The following ANK2 variants were observed in gnomAD, a reference collection of about 807,000 sequenced individuals.
ANK2 encodes the protein ankyrin-2.
A neutral mutation model predicts 360.5 loss-of-function variants in ANK2; 83 were observed. The observed-to-expected ratio is 0.23, with a 90% CI of 0.19 to 0.28. The LOEUF is 0.28. Among genes scored for constraint, ANK2 ranks in the 10% least tolerant of loss-of-function variants. ANK2 has a pLI of 1.00. For synonymous variants in ANK2, 1,740 were observed against 1,759.5 expected, an observed-to-expected ratio of 0.99 and a Z score of 0.28; for missense variants, 4,201 against 4,795.7, an observed-to-expected ratio of 0.88 and a Z score of 3.66.
At chr4:113,117,024 C>G in intron 1 of ANK2, 2 of 323,244 alleles carry the variant, frequency 6.2e-6, no homozygotes, top group Non-Finnish European at 1.2e-5. Flanking sequence ...TGGGTGCACA[C>G]CTATGCCTGT....
intron 2 of ANK2, among the ~76,000 whole-genome samples, chr4:113,189,054 C>T (rs781531983): frequency 2.6e-5 from 4 of 152,080 alleles, no homozygotes; most frequent in Non-Finnish European, 5.9e-5. Context: ...TTGACCATTT[C>T]TCATGAAAAA....
At chr4:113,000,577 T>G (rs1164748812) in intron 2 of ANK2, among the ~76,000 whole-genome samples, 5 of 151,964 alleles carry the variant, frequency 3.3e-5, no homozygotes, top group Non-Finnish European at 7.3e-5. Context: ...AGGAAGATAA[T>G]CCGGTAAGTG....
upstream of ANK2, among the ~76,000 whole-genome samples, chr4:113,048,595 T>G (rs1240047356): frequency 6.6e-6 from 1 of 151,784 alleles, no homozygotes; most frequent in Non-Finnish European, 1.5e-5. Flanking sequence ...TTTTTAAATA[T>G]ACAAGTATGG....
At chr4:112,917,195 T>C (rs1440561662) in intron 2 of ANK2, among the ~76,000 whole-genome samples, 1 of 152,242 alleles carries the variant, frequency 6.6e-6, no homozygotes, top group Non-Finnish European at 1.5e-5. Context: ...AACTTTCTGC[T>C]AAAGTGACAA....
At chr4:113,078,426 T>A (rs763256241) in intron 1 of ANK2, among the ~76,000 whole-genome samples, 10 of 152,160 alleles carry the variant, frequency 6.6e-5, no homozygotes, top group Non-Finnish European at 1.3e-4. Flanking sequence ...TGCTCGTCAA[T>A]AGTAGCCGTG....
chr4:113,096,825 G>T (rs1223987713), intron 1 of ANK2, among the ~76,000 whole-genome samples: 1 of 151,906 alleles, frequency 6.6e-6, no homozygotes. Context: ...AGTCGATTTT[G>T]CCACAATACT....
chr4:113,035,615 A>G (rs1035978257), intron 2 of ANK2, among the ~76,000 whole-genome samples: 1 of 151,874 alleles, frequency 6.6e-6, no homozygotes, highest in African/African-American at 2.4e-5. Context: ...ATAGTTGGAG[A>G]TGTTTCACCT....
chr4:113,166,008 A>G (rs1023023961), intron 1 of ANK2, among the ~76,000 whole-genome samples: 5 of 152,166 alleles, frequency 3.3e-5, no homozygotes, highest in African/African-American at 1.2e-4. Flanking sequence ...TCCTATTCAA[A>G]TTCAGAAAAT....
chr4:112,768,813 T>A, the ANK2 span, among the ~76,000 whole-genome samples: 1 of 152,202 alleles, frequency 6.6e-6, no homozygotes. Context: ...TATACCCAGC[T>A]GTCTTGTAAT....
At chr4:113,021,541 C>CACACACACCCACATAT (rs1489947974) in intron 2 of ANK2, among the ~76,000 whole-genome samples, 2 of 95,572 alleles carry the variant, frequency 2.1e-5, no homozygotes, top group Non-Finnish European at 4.5e-5. Flanking sequence ...CACACACAAA[C>CACACACACCCACATAT]ATATATATAT....
At chr4:112,782,586 G>T in the ANK2 span, among the ~76,000 whole-genome samples, 2 of 151,938 alleles carry the variant, frequency 1.3e-5, no homozygotes, top group African/African-American at 4.8e-5. Flanking sequence ...CAGATTAAAG[G>T]CTGGGCTCGG....
intron 1 of ANK2, among the ~76,000 whole-genome samples, chr4:113,089,245 A>T (rs1485334213): frequency 6.6e-6 from 1 of 152,214 alleles, no homozygotes; most frequent in African/African-American, 2.4e-5. Context: ...ACCATATGCC[A>T]TCAGTCACTA....
intron 30 of ANK2, 27 bp from the exon 31 acceptor site, chr4:113,336,550 A>G (rs59906453): frequency 3.8e-6 from 6 of 1,567,408 alleles, no homozygotes; most frequent in Non-Finnish European, 5.3e-6. Flanking sequence ...ACACAAATAT[A>G]TATGTGTGTG....
Position 113,341,768 on chromosome 4 carries a change from C to T in ANK2, c.3974C>T (p.Pro1325Leu). The T allele has an allele frequency of 6.2e-7, 1 of 1,614,026 alleles. No individual in the cohort carries two copies. The highest frequency in any genetic ancestry group is 8.5e-7 in the Non-Finnish European group (1 of 1,180,004). The part of the protein sequence containing the change: ...SQVYREIICV[P>L]YMAKFVVFAK... ...GTATACAGAGAAATTATCTGCGTAC[C>T]TTATATGGCCAAATTTGTAGTGTTT... is the stretch of plus-strand genomic sequence containing the variant. Residue 1325 changes from proline (P) to leucine (L), a missense_variant, in exon 33 of 46, where the codon CCT (proline) becomes CTT (leucine). This residue lies in a region of ANK2 where 1,268 missense variants were observed against 1,650.8 expected (regional missense o/e 0.77). Transcript: ENST00000357077.
intron 1 of ANK2, among the ~76,000 whole-genome samples, chr4:113,110,393 T>C (rs1581863546): frequency 6.6e-6 from 1 of 152,098 alleles, no homozygotes; most frequent in Admixed American, 6.6e-5. Context: ...TCAAACCGTA[T>C]CTCATGCCTA....
At chr4:112,823,623 T>A (rs974921632) in intron 1 of ANK2, among the ~76,000 whole-genome samples, 6 of 151,600 alleles carry the variant, frequency 4.0e-5, no homozygotes, top group Admixed American at 3.3e-4. Context: ...CTGTACTAAT[T>A]GTAAATTTCA....
At chr4:113,055,439 G>A (rs201097978) in intron 1 of ANK2, among the ~76,000 whole-genome samples, 2 of 152,174 alleles carry the variant, frequency 1.3e-5, no homozygotes, top group East Asian at 3.9e-4. Flanking sequence ...TAAATGAATG[G>A]AACCATTGCC....
At position 113,163,890 on chromosome 4, in the gene ANK2, G is replaced by A. The variant is rs144963248; in HGVS notation, c.85-10526G>A. ...TTTTAGTATGTTCACAGAGTTGTGC[G>A]ACCAACACCACAATAAATTTCAGAA... On this transcript the variant is annotated intron_variant, in intron 1 of 45. Transcript: ENST00000357077. Among the ~76,000 whole-genome samples the A allele has an allele frequency of 8.0e-5, 12 of 150,906 alleles. No homozygotes were observed. The East Asian group carries it at 9.7e-4, about 12-fold the overall frequency.
chr4:113,149,748 C>T (rs761530923), intron 1 of ANK2, among the ~76,000 whole-genome samples: 2 of 151,248 alleles, frequency 1.3e-5, no homozygotes, highest in South Asian at 2.1e-4. Flanking sequence ...TGGTGGCACA[C>T]GCCCATGGTC....
Sources: allele counts gnomAD v4.1 joint callset (sites outside exome capture counted in the v4.1 genomes callset), GRCh38; gene constraint gnomAD v4.1.1; regional missense constraint gnomAD v4.1.1; transcripts MANE v1.5; gene names NCBI Gene and HGNC (gene_info 2026-07-23, HGNC 2026-07-21).